The following ZNF248 variants were observed in gnomAD, a reference collection of about 807,000 sequenced individuals.
The protein encoded by ZNF248 is zinc finger protein 248.
A neutral mutation model predicts 44.3 loss-of-function variants in ZNF248; 20 were observed. The ratio of observed to expected loss-of-function variants is 0.45; its 90% CI spans 0.32 to 0.66. The LOEUF (loss-of-function observed/expected upper bound fraction) is 0.66. Among genes scored for constraint, ZNF248 ranks in the 30% least tolerant of loss-of-function variants. The pLI is 0.04. For synonymous variants in ZNF248, 224 were observed against 229.0 expected, an observed-to-expected ratio of 0.98 and a Z score of 0.20; for missense variants, 654 against 677.0, an observed-to-expected ratio of 0.97 and a Z score of 0.38.
intron 6 of ZNF248, chr10:37,784,233 A>T (rs1480944644): frequency 3.3e-5 from 5 of 152,316 alleles, no homozygotes; most frequent in African/African-American, 9.6e-5. Context: ...AAATGCCACC[A>T]TTATGCATGT....
At chr10:37,815,639 CT>C (rs2052325796) in intron 6 of ZNF248, among the ~76,000 whole-genome samples, 1 of 151,750 alleles carries the variant, frequency 6.6e-6, no homozygotes, top group African/African-American at 2.4e-5. Flanking sequence ...GGGACAGTTT[CT>C]TTTCTTTTTT....
At position 37,829,626 on chromosome 10, in the gene ZNF248, C is replaced by T. The variant is rs1004726086; in HGVS notation, c.*1989G>A. On this transcript the variant is annotated 3_prime_UTR_variant, in exon 6 of 6. Transcript: ENST00000395867. Reference sequence around the variant, plus strand: ...AACAGGTATAGAGAGCAGAGTAGCTCGGCAACGTCACCTCTGAGCTGGCTT... The same window carrying T: ...AACAGGTATAGAGAGCAGAGTAGCTTGGCAACGTCACCTCTGAGCTGGCTT... 3.6e-5 allele frequency: 35 copies of T among 985,236 alleles called. No individual in the cohort carries two copies. The highest frequency in any genetic ancestry group is 1.7e-4 in the African/African-American group (10 of 57,202). 61.0% of individuals were successfully genotyped at this position (985,236 alleles called of 1,614,324 possible).
chr10:37,767,903 T>A, the ZNF248 span, among the ~76,000 whole-genome samples: 1 of 151,954 alleles, frequency 6.6e-6, no homozygotes, highest in Admixed American at 6.5e-5. Context: ...GAGACACACA[T>A]AGGCTCAAAA....
rs531049832 is a variant in ZNF248, at chr10:37,856,400, A to G, written c.-28+35T>C. ...CGCCGGCCTTGCAGTTCGGAGATTC[A>G]CCTGCCTATACAGGTCCACACACAA... On this transcript the variant is annotated intron_variant, in intron 2 of 5. Transcript: ENST00000395867. 5 of 1,581,674 alleles carry G rather than the reference A, an allele frequency of 3.2e-6. No individual in the cohort carries two copies. In the African/African-American group the frequency reaches 5.4e-5, roughly 17 times the overall value.
At chr10:37,844,927 C>CTT (rs2059020627) in intron 3 of ZNF248, among the ~76,000 whole-genome samples, 1 of 55,428 alleles carries the variant, frequency 1.8e-5, no homozygotes, top group African/African-American at 7.5e-5. Flanking sequence ...TCCCTCTCCC[C>CTT]CTCCTCTTCC....
At chr10:37,800,937 T>G (rs1223550893) in intron 6 of ZNF248, among the ~76,000 whole-genome samples, 1 of 151,926 alleles carries the variant, frequency 6.6e-6, no homozygotes, top group Non-Finnish European at 1.5e-5. Context: ...AATTTTTGTA[T>G]TTTTAGTAGA....
downstream of ZNF248, among the ~76,000 whole-genome samples, chr10:37,827,511 G>A (rs1564549644): frequency 6.6e-6 from 1 of 152,186 alleles, no homozygotes; most frequent in Non-Finnish European, 1.5e-5. Context: ...AGAGACATTG[G>A]TTCTTTGTCA....
At chr10:37,770,586 TG>T in the ZNF248 span, among the ~76,000 whole-genome samples, 4 of 152,318 alleles carry the variant, frequency 2.6e-5, no homozygotes, top group East Asian at 7.7e-4. Context: ...AAGCTGAAAC[TG>T]GATCCCTTCC....
chr10:37,820,446 T>G, intron 6 of ZNF248: 1 of 1,581,122 alleles, frequency 6.3e-7, no homozygotes, highest in Non-Finnish European at 8.7e-7. Context: ...TTTGCAGTGC[T>G]GCCATCTAAA....
At chr10:37,781,982 C>T (rs1056986558) in intron 6 of ZNF248, among the ~76,000 whole-genome samples, 4 of 152,170 alleles carry the variant, frequency 2.6e-5, no homozygotes, top group South Asian at 2.1e-4. Flanking sequence ...CCTTACAATT[C>T]GGAGAAGTAT....
the ZNF248 span, among the ~76,000 whole-genome samples, chr10:37,759,095 G>A: frequency 6.6e-6 from 1 of 152,210 alleles, no homozygotes; most frequent in Non-Finnish European, 1.5e-5. Flanking sequence ...CAGCCAACAA[G>A]GTTAACATGC....
intron 3 of ZNF248, among the ~76,000 whole-genome samples, chr10:37,851,277 AAGG>A (rs1228765123): frequency 1.3e-5 from 2 of 152,158 alleles, no homozygotes; most frequent in African/African-American, 4.8e-5. Flanking sequence ...CCCATCTATC[AAGG>A]AGAACAAAGG....
At chr10:37,775,395 A>C (rs1199370776), downstream of ZNF248, 1 of 152,116 alleles carries the variant, frequency 6.6e-6, no homozygotes, top group African/African-American at 2.4e-5. Flanking sequence ...GGGAAGCTGA[A>C]TGTACAGTTA....
intron 5 of ZNF248, 40 bp from the exon 6 acceptor site, chr10:37,833,156 TA>T (rs2056313086): frequency 6.5e-7 from 1 of 1,532,792 alleles, no homozygotes; most frequent in Non-Finnish European, 8.7e-7. Flanking sequence ...TGAACCTTAA[TA>T]CATTTCTGAT....
intron 6 of ZNF248, among the ~76,000 whole-genome samples, chr10:37,815,998 A>C (rs1293008240): frequency 1.3e-5 from 2 of 150,680 alleles, no homozygotes; most frequent in African/African-American, 4.9e-5. Flanking sequence ...ATGGAAAAAA[A>C]AAAAAAAAGA....
At chr10:37,818,789 G>T in intron 6 of ZNF248, 4 of 811,314 alleles carry the variant, frequency 4.9e-6, no homozygotes, top group South Asian at 1.4e-5. Flanking sequence ...TTTGCTTCAG[G>T]TGTTACTACT....
At chr10:37,792,625 T>C (rs2048695703) in intron 6 of ZNF248, among the ~76,000 whole-genome samples, 2 of 152,192 alleles carry the variant, frequency 1.3e-5, no homozygotes, top group Non-Finnish European at 2.9e-5. Context: ...AACAGTCATG[T>C]TGGTATCATG....
chr10:37,814,056 C>T (rs1324339630), intron 6 of ZNF248, among the ~76,000 whole-genome samples: 2 of 152,066 alleles, frequency 1.3e-5, no homozygotes, highest in South Asian at 2.1e-4. Flanking sequence ...TATCATTGCG[C>T]TTTTGTTTTC....
chr10:37,789,254 C>T (rs2048237006), intron 6 of ZNF248, among the ~76,000 whole-genome samples: 1 of 151,448 alleles, frequency 6.6e-6, no homozygotes, highest in Non-Finnish European at 1.5e-5. Context: ...CTGAATTGTA[C>T]ACAGTGGATG....
Sources: allele counts gnomAD v4.1 joint callset (sites outside exome capture counted in the v4.1 genomes callset), GRCh38; gene constraint gnomAD v4.1.1; transcripts MANE v1.5; gene names NCBI Gene and HGNC (gene_info 2026-07-23, HGNC 2026-07-21).